The following KLC1 variants were observed in gnomAD, a reference collection of about 807,000 sequenced individuals.
KLC1 encodes kinesin light chain 1.
In KLC1, 30 loss-of-function variants were observed where a neutral mutation model predicts 84.2. The ratio of observed to expected loss-of-function variants is 0.36; its 90% CI spans 0.27 to 0.48. The LOEUF is 0.48. KLC1 is among the 20% of genes least tolerant of loss of function. KLC1 has a pLI of 0.99. For synonymous variants in KLC1, 289 were observed against 293.3 expected, an observed-to-expected ratio of 0.99 and a Z score of 0.15; for missense variants, 499 against 805.4, an observed-to-expected ratio of 0.62 and a Z score of 4.60.
At chr14:103,696,093 C>CGGGGGGGG (rs1189283194) in intron 15 of KLC1, 5 of 129,292 alleles carry the variant, frequency 3.9e-5, no homozygotes, top group Non-Finnish European at 4.6e-5. Flanking sequence ...AATCACTGCG[C>CGGGGGGGG]CCCCGCCCCC....
At chr14:103,692,206 T>C (rs2082162747) in intron 14 of KLC1, among the ~76,000 whole-genome samples, 153 bp from the exon 15 acceptor site, 1 of 152,186 alleles carries the variant, frequency 6.6e-6, no homozygotes, top group African/African-American at 2.4e-5. Flanking sequence ...GAGTGAGACA[T>C]AGGACTCCCC....
intron 2 of KLC1, among the ~76,000 whole-genome samples, chr14:103,657,118 A>AC (rs1479235288): frequency 7.9e-5 from 12 of 151,524 alleles, no homozygotes; most frequent in Non-Finnish European, 1.2e-4. Context: ...CTGTTCTCTG[A>AC]CCCCCACTTG....
Position 103,666,851 on chromosome 14 carries a change from A to G in KLC1, c.798-2660A>G, listed in dbSNP as rs1206396995. On this transcript the variant is annotated intron_variant, in intron 5 of 16. Transcript: ENST00000334553. ...GCATGCAATGGCATCATCTTGGCTC[A>G]TTGCAACCTCTGCCTCCCAGGTTCA... 2.1e-5 allele frequency among the ~76,000 whole-genome samples: 3 copies of G among 143,998 alleles called. No individual in the cohort carries two copies. In the East Asian group the frequency reaches 6.1e-4, roughly 29 times the overall value. 94.5% of individuals were successfully genotyped at this position (143,998 alleles called of 152,430 possible).
intron 7 of KLC1, among the ~76,000 whole-genome samples, chr14:103,671,301 T>C (rs1406006334): frequency 6.6e-6 from 1 of 152,158 alleles, no homozygotes; most frequent in African/African-American, 2.4e-5. Flanking sequence ...TCAGCAGTGC[T>C]GTGTATGACA....
rs1335697991 is a variant in KLC1, at chr14:103,699,133, C to T, written c.1849-1522C>T. On this transcript the variant is annotated intron_variant, in intron 15 of 16. Transcript: ENST00000334553. ...GCACACACCACATGGCTGCACTCAC[C>T]CCAGCGGCCCGTGTGCTGCGCCCTG... The T allele has an allele frequency of 4.5e-6, 7 of 1,572,546 alleles. No homozygotes were observed. The East Asian group carries it at 7.0e-5, about 16-fold the overall frequency.
intron 1 of KLC1, among the ~76,000 whole-genome samples, chr14:103,642,774 T>G (rs1160654838): frequency 1.3e-5 from 2 of 151,030 alleles, no homozygotes; most frequent in Admixed American, 6.6e-5. Flanking sequence ...TTTTGGTTTT[T>G]TTTTTTTTTT....
At chr14:103,701,010 C>T (rs1406794102) in intron 16 of KLC1, among the ~76,000 whole-genome samples, 191 bp from the exon 17 acceptor site, 1 of 152,216 alleles carries the variant, frequency 6.6e-6, no homozygotes, top group African/African-American at 2.4e-5. Context: ...TTTGGTGCTC[C>T]AGGGAGCAGA....
intron 1 of KLC1, among the ~76,000 whole-genome samples, chr14:103,647,266 C>A (rs942048432): frequency 3.3e-5 from 5 of 151,936 alleles, no homozygotes; most frequent in Admixed American, 2.6e-4. Context: ...CTCTGTCACC[C>A]AGGCTGGAGT....
intron 3 of KLC1, among the ~76,000 whole-genome samples, chr14:103,659,603 C>T (rs1473090545): frequency 6.6e-6 from 1 of 152,152 alleles, no homozygotes; most frequent in African/African-American, 2.4e-5. Context: ...TTGGAACTAA[C>T]GTTTTTTAAA....
At chr14:103,681,974 AGCAAACCG>A (rs2081374901) in intron 13 of KLC1, among the ~76,000 whole-genome samples, 5 of 152,228 alleles carry the variant, frequency 3.3e-5, no homozygotes, top group Non-Finnish European at 7.3e-5. Context: ...GAGATTGCAA[AGCAAACCG>A]TTACCACTGT....
chr14:103,631,493 T>C (rs969042103), intron 1 of KLC1, among the ~76,000 whole-genome samples: 7 of 152,242 alleles, frequency 4.6e-5, no homozygotes, highest in Non-Finnish European at 7.3e-5. Context: ...AACATACTTG[T>C]ATAAAAAGAA....
chr14:103,670,059 ATTG>A (rs1417849303), intron 6 of KLC1, 120 bp from the exon 7 acceptor site: 6 of 660,930 alleles, frequency 9.1e-6, no homozygotes, highest in Middle Eastern at 2.8e-4. Flanking sequence ...CTGAAGTCAT[ATTG>A]TTCTATCCGA....
chr14:103,657,649 A>T lies in KLC1; in HGVS notation c.365A>T (p.Asp122Val). Reference protein sequence around the residue: ...RLCQENQWLRDELANTQQKLQ... With the variant: ...RLCQENQWLRVELANTQQKLQ... ...TGCCAGGAGAATCAGTGGCTACGGGATGAACTGGCCAACACGCAGCAGAAA... is the reference window on the plus strand; with the variant it reads ...TGCCAGGAGAATCAGTGGCTACGGGTTGAACTGGCCAACACGCAGCAGAAA... The change falls in exon 3 of 17, where the codon GAT becomes GTT. Residue 122 changes from aspartate (D) to valine (V), a missense_variant. Physicochemically the swap from Asp to Val is radical, Grantham distance 152. Coordinates refer to ENST00000334553, the MANE Select transcript of KLC1 (RefSeq NM_001394837.1). 6.2e-7 allele frequency: 1 copy of T among 1,614,152 alleles called. No individual in the cohort carries two copies. Among genetic ancestry groups the T allele is most frequent in the Non-Finnish European group, 8.5e-7 (1 of 1,180,024 alleles).
In KLC1 at chr14:103,687,141, C is replaced by T. The variant is rs373529976; in HGVS notation, c.1711C>T (p.Arg571Cys). 1.1e-5 allele frequency: 17 copies of T among 1,548,472 alleles called. No individual in the cohort carries two copies. Among genetic ancestry groups the T allele is most frequent in the East Asian group, 4.9e-5 (2 of 40,888 alleles). Residue 571 changes from arginine to cysteine, a missense_variant, in exon 14 of 17, where the codon CGC becomes TGC. Arg to Cys is a radical substitution (Grantham distance 180, BLOSUM62 -3). This residue lies in a region of KLC1 where 167 missense variants were observed against 208.8 expected (regional missense o/e 0.80). Transcript: ENST00000334553. The stretch of plus-strand genomic sequence containing the variant: ...TAGCAAACTCCGGGCTTCCATTAGA[C>T]GCAGCAGTGAGAAGCTGGTTAGGAA... The part of the protein sequence containing the change: ...SFSKLRASIR[R>C]SSEKLVRKLK...
At position 103,693,685 on chromosome 14, in the gene KLC1, C is replaced by T. The variant is rs997992643; in HGVS notation, c.1848+1260C>T. On this transcript the variant is annotated intron_variant, in intron 15 of 16. Coordinates refer to ENST00000334553, the MANE Select transcript of KLC1 (RefSeq NM_001394837.1). This position sits in a 1 kb window ranked among gnomAD's most constrained non-coding sequence, Gnocchi z 5.1. ...CGCCCCGCCCTGCCACGCCCCTCAC[C>T]GCCCTGCCCGGAGGCGCCAGCCGCA... is the stretch of plus-strand genomic sequence containing the variant. 8.6e-6 allele frequency: 13 copies of T among 1,518,654 alleles called. No homozygotes were observed. The highest frequency in any genetic ancestry group is 4.1e-5 in the African/African-American group (3 of 72,454). The allele number at this position is 1,518,654 out of a possible 1,614,324, so 94.1% of individuals were successfully genotyped here. A position where few individuals can be genotyped will look rare whatever the true frequency, so the allele number is the denominator to read the frequency against.
rs376469565 is a variant in KLC1, at chr14:103,654,670, G to C, written c.106G>C (p.Glu36Gln). Residue 36 changes from glutamate to glutamine, a missense_variant, in exon 2 of 17, where the codon GAA (glutamate) becomes CAA (glutamine). Transcript: ENST00000334553. ...SKTKQVIQGL[E>Q]ALKNEHNSIL... ...GACAAAGCAAGTAATTCAGGGGCTG[G>C]AAGCTTTGAAGAATGAGCACAATTC... The C allele has an allele frequency of 1.1e-5, 17 of 1,614,090 alleles. No individual in the cohort carries two copies. The highest frequency in any genetic ancestry group is 1.4e-5 in the Non-Finnish European group (16 of 1,180,040).
At chr14:103,650,842 G>T (rs540003929) in intron 1 of KLC1, among the ~76,000 whole-genome samples, 1 of 151,928 alleles carries the variant, frequency 6.6e-6, no homozygotes, top group African/African-American at 2.4e-5. Context: ...GCCTCCCAAA[G>T]TGCTGGGATT....
intron 15 of KLC1, chr14:103,696,112 C>T: frequency 2.1e-6 from 2 of 934,074 alleles, no homozygotes; most frequent in Non-Finnish European, 2.5e-6. Flanking sequence ...CCCGCCCCCC[C>T]CCACAGCAGC....
intron 1 of KLC1, among the ~76,000 whole-genome samples, chr14:103,640,942 T>G (rs1349430503): frequency 6.6e-6 from 1 of 152,004 alleles, no homozygotes; most frequent in African/African-American, 2.4e-5. Context: ...TTTTTTTTTC[T>G]TTTGAGACAA....
Sources: gnomAD v4.1 joint callset for allele counts (sites outside exome capture counted in the v4.1 genomes callset) on GRCh38, gnomAD v4.1.1 for gene constraint, gnomAD v4.1.1 regional missense constraint, Gnocchi (gnomAD v3.1) non-coding constraint, MANE v1.5 for transcripts, NCBI Gene and HGNC (gene_info 2026-07-23, HGNC 2026-07-21) for gene names.